PLCH1: variants seen among roughly 807,000 people sequenced by gnomAD.
The protein encoded by PLCH1 is phospholipase C eta 1, also known as 1-phosphatidylinositol 4,5-bisphosphate phosphodiesterase eta-1.
A neutral mutation model predicts 126.7 loss-of-function variants in PLCH1; 60 were observed. That is an observed-to-expected ratio of 0.47 (90% CI 0.38 to 0.59). The LOEUF is 0.59. PLCH1 is among the 20% of genes least tolerant of loss of function. The probability of loss-of-function intolerance (pLI) is 0.00; values close to 1 mark genes in which losing one functional copy is unlikely to be tolerated. For synonymous variants in PLCH1, 719 were observed against 734.9 expected (o/e 0.98, Z 0.35); for missense variants, 1,723 against 2,040.0 (o/e 0.84, Z 2.99).
intron 4 of PLCH1, among the ~76,000 whole-genome samples, chr3:155,590,074 C>T (rs1427648508): frequency 6.6e-6 from 1 of 152,152 alleles, no homozygotes; most frequent in African/African-American, 2.4e-5. Context: ...TGCATCATGG[C>T]CATCACTCAG....
chr3:155,713,938 T>C (rs1438832861), intron 1 of PLCH1, among the ~76,000 whole-genome samples: 2 of 152,234 alleles, frequency 1.3e-5, no homozygotes, highest in African/African-American at 2.4e-5. Context: ...CAAAATGAAC[T>C]GTCAGGTATC....
chr3:155,561,851 G>A (rs1043530706), intron 8 of PLCH1, among the ~76,000 whole-genome samples: 5 of 152,118 alleles, frequency 3.3e-5, no homozygotes, highest in African/African-American at 7.2e-5. Context: ...GCATGATCTC[G>A]GCTCACTGCA....
At chr3:155,452,130 G>A (rs747517073) in intron 21 of PLCH1, among the ~76,000 whole-genome samples, 2 of 152,082 alleles carry the variant, frequency 1.3e-5, no homozygotes, top group African/African-American at 2.4e-5. Context: ...AGGTTTAATC[G>A]GACTTACAAG....
chr3:155,568,754 C>CTGTGTGTGTGTGTGTG (rs3068946), intron 6 of PLCH1, among the ~76,000 whole-genome samples: 8,089 of 147,134 alleles, frequency 0.055, 273 homozygotes, highest in African/African-American at 0.096. Flanking sequence ...AAATGTACCT[C>CTGTGTGTGTGTGTGTG]TGTGTGTGTG....
intron 8 of PLCH1, among the ~76,000 whole-genome samples, chr3:155,563,633 CA>C (rs11356535): frequency 0.57 from 79,725 of 139,246 alleles, 24,349 homozygotes; most frequent in Middle Eastern, 0.73. Context: ...ACACACATGT[CA>C]AAAAAAAAAA....
Position 155,482,500 on chromosome 3 carries a change from C to A in PLCH1, c.3526G>T (p.Val1176Phe). 1 of 1,614,116 alleles carries A rather than the reference C, an allele frequency of 6.2e-7. No homozygotes were observed. Among genetic ancestry groups the A allele is most frequent in the Non-Finnish European group, 8.5e-7 (1 of 1,179,994 alleles). ...GGCTCATTCTCATTTGTTAAAGTGA[C>A]ATTGTCAATAAGATGGGAAATTACA... ...ESVISHLIDN[V>F]TLTNENEPGS... is the part of the protein sequence containing the mutation. Residue 1176 changes from valine (V) to phenylalanine (F), a missense_variant, in exon 23 of 23, where the codon GTC becomes TTC. Val to Phe is a conservative substitution (Grantham distance 50). Transcript: ENST00000460012.
chr3:155,534,132 C>A (rs950083731), intron 10 of PLCH1, among the ~76,000 whole-genome samples: 1 of 147,014 alleles, frequency 6.8e-6, no homozygotes, highest in African/African-American at 2.4e-5. Flanking sequence ...AATGATAGAT[C>A]CACTGACAGC....
intron 12 of PLCH1, among the ~76,000 whole-genome samples, chr3:155,510,690 C>G (rs2108207660): frequency 1.2e-5 from 1 of 85,560 alleles, no homozygotes; most frequent in African/African-American, 7.6e-5. Flanking sequence ...GGCCCCCACT[C>G]TCTTCTGGCT....
chr3:155,476,133 C>T (rs1356154765), downstream of PLCH1, among the ~76,000 whole-genome samples: 1 of 151,988 alleles, frequency 6.6e-6, no homozygotes, highest in Non-Finnish European at 1.5e-5. Context: ...GGATTTATCA[C>T]CCATGGATGG....
intron 6 of PLCH1, 69 bp from the exon 7 acceptor site, chr3:155,568,393 C>T (rs936011962): frequency 5.9e-6 from 4 of 682,774 alleles, no homozygotes; most frequent in Non-Finnish European, 1.0e-5. Flanking sequence ...AGTAGAAAGA[C>T]ATTTACTGAT....
chr3:155,577,401 G>A (rs982604086), intron 6 of PLCH1, among the ~76,000 whole-genome samples: 5 of 151,436 alleles, frequency 3.3e-5, no homozygotes, highest in African/African-American at 7.3e-5. Flanking sequence ...TTCCTCAATG[G>A]TCTAGGAAAG....
intron 2 of PLCH1, among the ~76,000 whole-genome samples, chr3:155,649,448 G>C (rs890946195): frequency 2.0e-5 from 3 of 152,038 alleles, no homozygotes; most frequent in African/African-American, 7.2e-5. Context: ...CTTCAGGCAG[G>C]GTGTGCACAC....
At chr3:155,528,713 T>A (rs184135232) in intron 10 of PLCH1, among the ~76,000 whole-genome samples, 1 of 152,284 alleles carries the variant, frequency 6.6e-6, no homozygotes, top group East Asian at 1.9e-4. Context: ...TATGCATCAC[T>A]GATACCACTG....
intron 10 of PLCH1, among the ~76,000 whole-genome samples, chr3:155,542,011 T>C (rs1724327083): frequency 6.6e-6 from 1 of 152,132 alleles, no homozygotes; most frequent in Non-Finnish European, 1.5e-5. Flanking sequence ...TTCATCTCAC[T>C]AGGGAGTGCC....
chr3:155,663,119 C>T (rs1233043219), intron 2 of PLCH1, among the ~76,000 whole-genome samples: 1 of 152,144 alleles, frequency 6.6e-6, no homozygotes, highest in Non-Finnish European at 1.5e-5. Context: ...TATAAGGATG[C>T]CAAGTGGAAT....
At chr3:155,521,947 A>G (rs1325789191) in intron 11 of PLCH1, among the ~76,000 whole-genome samples, 1 of 152,230 alleles carries the variant, frequency 6.6e-6, no homozygotes, top group Non-Finnish European at 1.5e-5. Flanking sequence ...GTTCCAAACC[A>G]TCTCCTGATG....
At chr3:155,690,007 G>A (rs1347363064) in intron 2 of PLCH1, among the ~76,000 whole-genome samples, 1 of 145,114 alleles carries the variant, frequency 6.9e-6, no homozygotes, top group Non-Finnish European at 1.5e-5. Context: ...GGTCAAGGAT[G>A]AAGAAAGGAT....
intron 21 of PLCH1, among the ~76,000 whole-genome samples, chr3:155,458,490 GAAAGAA>G (rs1560027391): frequency 4.3e-5 from 4 of 93,756 alleles, no homozygotes; most frequent in African/African-American, 1.1e-4. Flanking sequence ...AAGAAAGAAA[GAAAGAA>G]AGAGAAAGAA....
chr3:155,619,847 C>CA (rs71302276), intron 2 of PLCH1, among the ~76,000 whole-genome samples: 12,564 of 143,278 alleles, frequency 0.088, 539 homozygotes, highest in Middle Eastern at 0.13. Flanking sequence ...ATGTTTTTGT[C>CA]AAAAAAAAAA....
Sources: gnomAD v4.1 joint callset for allele counts (sites outside exome capture counted in the v4.1 genomes callset) on GRCh38, gnomAD v4.1.1 for gene constraint, MANE v1.5 for transcripts, NCBI Gene and HGNC (gene_info 2026-07-23, HGNC 2026-07-21) for gene names.